Variants in CAST observed in about 807,000 individuals in gnomAD.
CAST encodes the protein MIR583 host.
A neutral mutation model predicts 119.6 loss-of-function variants in CAST; 76 were observed. The observed-to-expected ratio is 0.64, with a 90% CI of 0.53 to 0.77. The LOEUF (loss-of-function observed/expected upper bound fraction) is 0.77. Among genes scored for constraint, CAST ranks in the 30% least tolerant of loss-of-function variants. CAST has a pLI of 0.00. For missense variants in CAST, 953 were observed against 946.5 expected (o/e 1.01, Z -0.09); for synonymous variants, 319 against 331.6 (o/e 0.96, Z 0.41).
chr5:96,367,014 T>C, the CAST span, among the ~76,000 whole-genome samples: 1 of 152,198 alleles, frequency 6.6e-6, no homozygotes, highest in Non-Finnish European at 1.5e-5. Context: ...TTGGTATGGA[T>C]GTCCTTTCTG....
At chr5:96,730,470 A>G (rs989997221) in intron 8 of CAST, among the ~76,000 whole-genome samples, 3 of 152,224 alleles carry the variant, frequency 2.0e-5, no homozygotes, top group Middle Eastern at 3.2e-3. Context: ...CAGACTATCT[A>G]GTAAGAGTGA....
rs542681120 is a variant in CAST at position 96,631,291 on chromosome 5, C to A, written c.61-44248C>A. Among the ~76,000 whole-genome samples the A allele has an allele frequency of 7.1e-5, 10 of 141,090 alleles. 2 individuals are homozygous for A. The highest frequency in any genetic ancestry group is 1.1e-4 in the Non-Finnish European group (7 of 62,690). The allele number at this position is 141,090 out of a possible 152,430, so 92.6% of individuals were successfully genotyped here. ...ACCTCTATTCCCATGCCCTGGCAAC[C>A]ACTAATCTACTTTCTATCTCTATAA... is the stretch of plus-strand genomic sequence containing the variant. On this transcript the variant is annotated intron_variant, in intron 1 of 11. Transcript: ENST00000505143.
chr5:96,039,755 A>G, the CAST span, among the ~76,000 whole-genome samples: 1 of 152,292 alleles, frequency 6.6e-6, no homozygotes, highest in East Asian at 1.9e-4. Context: ...TACCAGTATC[A>G]TGCTGTTTTG....
At chr5:96,372,850 G>T in the CAST span, among the ~76,000 whole-genome samples, 1 of 152,056 alleles carries the variant, frequency 6.6e-6, no homozygotes, top group African/African-American at 2.4e-5. Context: ...GACATCTTTT[G>T]CATCATCATC....
the CAST span, among the ~76,000 whole-genome samples, chr5:96,328,374 TCTCTCTCC>T: frequency 0.57 from 12,741 of 22,430 alleles, 2,265 homozygotes; most frequent in South Asian, 0.63. Flanking sequence ...TGTCTTTCCT[TCTCTCTCC>T]CTCTCTCTCT....
chr5:96,087,260 C>T, the CAST span, among the ~76,000 whole-genome samples: 1 of 152,204 alleles, frequency 6.6e-6, no homozygotes, highest in Admixed American at 6.5e-5. Flanking sequence ...ACATTTTTTC[C>T]TGTAGTATAT....
chr5:96,260,839 T>G, the CAST span, among the ~76,000 whole-genome samples: 1 of 152,186 alleles, frequency 6.6e-6, no homozygotes, highest in Non-Finnish European at 1.5e-5. Flanking sequence ...TTAGCCCAGG[T>G]TGTTTGGGAA....
the CAST span, chr5:96,400,285 G>T: frequency 1.2e-6 from 1 of 811,242 alleles, no homozygotes; most frequent in Non-Finnish European, 2.2e-6. Flanking sequence ...GGATTATGAA[G>T]TGCCTTTTGC....
chr5:96,140,260 T>C, the CAST span, among the ~76,000 whole-genome samples: 1 of 152,226 alleles, frequency 6.6e-6, no homozygotes. Flanking sequence ...TGGAAAGTAA[T>C]ATTTGCCAAC....
chr5:96,228,974 T>C, the CAST span, among the ~76,000 whole-genome samples: 1 of 152,072 alleles, frequency 6.6e-6, no homozygotes, highest in Non-Finnish European at 1.5e-5. Context: ...TTTTGTGTAA[T>C]AAAAATCTTA....
chr5:96,748,805 A>G (rs1764344125), intron 19 of CAST, 192 bp downstream of exon 19: 1 of 492,638 alleles, frequency 2.0e-6, no homozygotes, highest in Non-Finnish European at 3.6e-6. Context: ...TTGCAATTGA[A>G]GTCCTGCAAT....
At chr5:96,369,817 G>A in the CAST span, among the ~76,000 whole-genome samples, 1 of 152,064 alleles carries the variant, frequency 6.6e-6, no homozygotes, top group East Asian at 1.9e-4. Context: ...TCTCTTCACT[G>A]CATGACCCAC....
intron 2 of CAST, chr5:96,679,528 A>G (rs1751096328): frequency 6.6e-6 from 1 of 152,228 alleles, no homozygotes; most frequent in East Asian, 1.9e-4. Context: ...TCTTTTAGCA[A>G]CATATTTCAG....
At chr5:96,422,614 T>C in the CAST span, among the ~76,000 whole-genome samples, 1 of 152,178 alleles carries the variant, frequency 6.6e-6, no homozygotes, top group African/African-American at 2.4e-5. Context: ...TGCTACTATT[T>C]TTCCTTCTCT....
chr5:96,701,205 G>A (rs1374599057), intron 3 of CAST, among the ~76,000 whole-genome samples: 3 of 152,208 alleles, frequency 2.0e-5, no homozygotes, highest in South Asian at 2.1e-4. Context: ...TGGGATTACA[G>A]GCATGAGCCA....
chr5:96,096,944 C>T, the CAST span, among the ~76,000 whole-genome samples: 4 of 152,178 alleles, frequency 2.6e-5, no homozygotes, highest in Non-Finnish European at 5.9e-5. Context: ...TGCATTTATT[C>T]ATGCATATGA....
the CAST span, among the ~76,000 whole-genome samples, chr5:96,112,704 A>G: frequency 6.6e-6 from 1 of 152,184 alleles, no homozygotes; most frequent in Non-Finnish European, 1.5e-5. Context: ...TGGAAAATGC[A>G]TTTAATACAC....
At chr5:96,494,334 A>T in the CAST span, among the ~76,000 whole-genome samples, 1 of 152,210 alleles carries the variant, frequency 6.6e-6, no homozygotes, top group Non-Finnish European at 1.5e-5. Flanking sequence ...AAGAGTTATC[A>T]CTTAAGCTGA....
chr5:96,260,732 A>G, the CAST span, among the ~76,000 whole-genome samples: 2 of 152,158 alleles, frequency 1.3e-5, no homozygotes, highest in Admixed American at 1.3e-4. Flanking sequence ...TGGCCTAGGC[A>G]TGGCAATTAA....
Sources: gnomAD v4.1 joint callset for allele counts (sites outside exome capture counted in the v4.1 genomes callset) on GRCh38, gnomAD v4.1.1 for gene constraint, MANE v1.5 for transcripts, NCBI Gene and HGNC (gene_info 2026-07-23, HGNC 2026-07-21) for gene names.